The following NAV3 variants were observed in gnomAD, a reference collection of about 807,000 sequenced individuals.
NAV3 encodes the protein pore membrane and/or filament interacting like protein 1.
In NAV3, 87 loss-of-function variants were observed where a neutral mutation model predicts 244.7. That is an observed-to-expected ratio of 0.36 (90% confidence interval 0.30 to 0.42). The LOEUF is 0.42. Ranked by LOEUF, NAV3 falls within the 20% of genes least tolerant of loss-of-function variation. The pLI, the probability that NAV3 is intolerant of heterozygous loss-of-function variation, is 1.00. For missense variants in NAV3, 2,663 were observed against 2,893.3 expected, an observed-to-expected ratio of 0.92 and a Z score of 1.83; for synonymous variants, 1,126 against 1,042.2, an observed-to-expected ratio of 1.08 and a Z score of -1.55.
intron 22 of NAV3, among the ~76,000 whole-genome samples, chr12:78,157,786 TGAGAGA>T (rs367611002): frequency 6.7e-6 from 1 of 149,104 alleles, no homozygotes; most frequent in Admixed American, 6.7e-5. Flanking sequence ...TGTGTTTGTG[TGAGAGA>T]GAGAGAGAGA....
At chr12:78,075,867 C>CA (rs1953023205) in intron 12 of NAV3, among the ~76,000 whole-genome samples, 1 of 152,198 alleles carries the variant, frequency 6.6e-6, no homozygotes, top group South Asian at 2.1e-4. Context: ...AATGCACTCT[C>CA]AGTCCTATAT....
intron 12 of NAV3, among the ~76,000 whole-genome samples, chr12:78,078,221 T>C (rs1047829280): frequency 6.6e-6 from 1 of 152,130 alleles, no homozygotes; most frequent in Non-Finnish European, 1.5e-5. Flanking sequence ...AGTAAGGTCA[T>C]ATTCTGAGGT....
intron 2 of NAV3, among the ~76,000 whole-genome samples, chr12:77,756,578 G>T (rs948241490): frequency 6.6e-6 from 1 of 152,116 alleles, no homozygotes; most frequent in Non-Finnish European, 1.5e-5. Context: ...ATATGCAAAA[G>T]AAATATTCCT....
chr12:77,931,004 T>C (rs2137313546), intron 1 of NAV3, among the ~76,000 whole-genome samples: 1 of 152,284 alleles, frequency 6.6e-6, no homozygotes, highest in African/African-American at 2.4e-5. Flanking sequence ...ATATTCTTTT[T>C]ATCCCTGATA....
chr12:77,867,055 C>G (rs1182434951), intron 1 of NAV3, among the ~76,000 whole-genome samples: 2 of 152,298 alleles, frequency 1.3e-5, no homozygotes, highest in East Asian at 3.9e-4. Flanking sequence ...ACTCAAGTAA[C>G]TAGTCTGAGT....
intron 2 of NAV3, among the ~76,000 whole-genome samples, chr12:77,704,731 G>A (rs1268840475): frequency 1.3e-5 from 2 of 152,114 alleles, no homozygotes; most frequent in African/African-American, 4.8e-5. Flanking sequence ...GTGGTTAAAA[G>A]ATATGTTACA....
At chr12:77,804,167 T>C (rs1871852418) in intron 2 of NAV3, among the ~76,000 whole-genome samples, 1 of 152,200 alleles carries the variant, frequency 6.6e-6, no homozygotes, top group Admixed American at 6.5e-5. Context: ...GTCCCATTTG[T>C]CAATTTTGGC....
At chr12:77,683,138 A>C (rs1159518575) in intron 2 of NAV3, among the ~76,000 whole-genome samples, 1 of 152,156 alleles carries the variant, frequency 6.6e-6, no homozygotes, top group Non-Finnish European at 1.5e-5. Context: ...ATAATTTTAT[A>C]GTTTCAGATC....
chr12:78,126,411 T>C (rs1424956847), intron 16 of NAV3, among the ~76,000 whole-genome samples: 1 of 152,198 alleles, frequency 6.6e-6, no homozygotes, highest in African/African-American at 2.4e-5. Flanking sequence ...ATAAAAGAAA[T>C]CCCTAAACTT....
chr12:78,119,935 A>G lies in NAV3; in HGVS notation c.3739A>G (p.Thr1247Ala), dbSNP rs755500850. 7 of 1,611,260 alleles carry G rather than the reference A, an allele frequency of 4.3e-6. No homozygotes were observed. Among genetic ancestry groups the G allele is most frequent in the Non-Finnish European group, 5.9e-6 (7 of 1,178,130 alleles). ...GSKYPDIASP[T>A]FRRLFGAKAG... ...CAAGTATCCAGATATTGCCTCACCC[A>G]CATTTCGAAGGTAAGGATGTATAAA... The change falls in exon 15 of 40, where the codon ACA (threonine) becomes GCA (alanine). Residue 1247 changes from threonine (T) to alanine (A), a missense_variant. Thr to Ala is a moderately conservative substitution (Grantham distance 58). Around this residue, in one of 6 missense-constraint regions of NAV3, gnomAD observed 354 missense variants for 413.0 expected, o/e 0.86. Transcript: ENST00000397909.
At chr12:77,826,209 G>T (rs1043845487), upstream of NAV3, among the ~76,000 whole-genome samples, 2 of 152,136 alleles carry the variant, frequency 1.3e-5, no homozygotes, top group Non-Finnish European at 2.9e-5. Context: ...ACATAAGACA[G>T]ATATAAATAT....
chr12:78,107,098 G>A (rs550595153), intron 12 of NAV3, among the ~76,000 whole-genome samples: 19 of 152,190 alleles, frequency 1.2e-4, no homozygotes, highest in East Asian at 1.9e-4. Flanking sequence ...AGGAAGAAGC[G>A]ACTGTTACAA....
chr12:78,166,175 C>T (rs1957774371), intron 23 of NAV3, among the ~76,000 whole-genome samples: 2 of 151,688 alleles, frequency 1.3e-5, no homozygotes, highest in Admixed American at 6.6e-5. Flanking sequence ...TTTTTTCTGA[C>T]AGGAAAACAG....
chr12:77,974,693 C>A (rs753436338), intron 5 of NAV3, among the ~76,000 whole-genome samples: 5 of 152,108 alleles, frequency 3.3e-5, no homozygotes, highest in Non-Finnish European at 5.9e-5. Flanking sequence ...GGGTTGGAGT[C>A]CTGCTTGCCA....
rs992693914 is a variant in NAV3, at chr12:77,835,649, A to G, written c.243+3945A>G. Among the ~76,000 whole-genome samples, 7 of 152,326 alleles carry G rather than the reference A, an allele frequency of 4.6e-5. No homozygotes were observed. In the East Asian group the frequency reaches 7.7e-4, roughly 17 times the overall value. On this transcript the variant is annotated intron_variant, in intron 1 of 39. Coordinates refer to ENST00000397909, the MANE Select transcript of NAV3 (RefSeq NM_001024383.2). The stretch of plus-strand genomic sequence containing the variant: ...TAGCTTGGGTTTATCTTCTTCTGCA[A>G]TTGCTCATCCTTTGATGGCCTTTAA...
At chr12:77,614,489 A>G (rs1871071237) in intron 2 of NAV3, among the ~76,000 whole-genome samples, 1 of 152,124 alleles carries the variant, frequency 6.6e-6, no homozygotes, top group South Asian at 2.1e-4. Context: ...ATTTATCACT[A>G]GTATGTAATA....
At chr12:77,652,369 T>G (rs1872864342) in intron 2 of NAV3, among the ~76,000 whole-genome samples, 2 of 152,202 alleles carry the variant, frequency 1.3e-5, no homozygotes, top group South Asian at 4.1e-4. Flanking sequence ...CTCCCTAAAG[T>G]TCACCTTTCT....
intron 2 of NAV3, among the ~76,000 whole-genome samples, chr12:77,606,683 G>A (rs750105675): frequency 2.0e-5 from 3 of 152,082 alleles, no homozygotes; most frequent in Non-Finnish European, 4.4e-5. Context: ...AGAATTTGAT[G>A]CAATCATTTA....
rs1209570090 is a variant in NAV3, at chr12:78,190,165, G to GA, written c.6244dup (p.Thr2082AsnfsTer9). On this transcript the variant is annotated frameshift_variant, in exon 34 of 40. Coordinates refer to ENST00000397909, the MANE Select transcript of NAV3 (RefSeq NM_001024383.2). LOFTEE classifies it high-confidence loss of function. Reference sequence around the variant, plus strand: ...AATATGTAATAACCAAATCTGGAAGGAAAAAAACAGAGGATGCAATTGCCA... The same window carrying GA: ...AATATGTAATAACCAAATCTGGAAGGAAAAAAAACAGAGGATGCAATTGCCA... 1 of 1,612,588 alleles carries GA rather than the reference G, an allele frequency of 6.2e-7. No homozygotes were observed. Among genetic ancestry groups the GA allele is most frequent in the Non-Finnish European group, 8.5e-7 (1 of 1,179,368 alleles).
Sources: gnomAD v4.1 joint callset for allele counts (sites outside exome capture counted in the v4.1 genomes callset) on GRCh38, gnomAD v4.1.1 for gene constraint, gnomAD v4.1.1 regional missense constraint, MANE v1.5 for transcripts, NCBI Gene and HGNC (gene_info 2026-07-23, HGNC 2026-07-21) for gene names.